The following ROBO1 variants were observed in gnomAD, a reference collection of about 807,000 sequenced individuals.
The protein encoded by ROBO1 is roundabout guidance receptor 1, also known as roundabout homolog 1.
In ROBO1, 149 loss-of-function variants were observed where a neutral mutation model predicts 195.9. The ratio of observed to expected loss-of-function variants is 0.76; its 90% CI spans 0.67 to 0.87. The LOEUF is 0.87. Among genes scored for constraint, ROBO1 ranks in the 40% least tolerant of loss-of-function variants. The pLI is 0.00. For missense variants in ROBO1, 1,933 were observed against 2,068.3 expected (o/e 0.93, Z 1.27); for synonymous variants, 816 against 733.2 (o/e 1.11, Z -1.82).
chr3:79,407,730 T>C (rs776402344), intron 2 of ROBO1, among the ~76,000 whole-genome samples: 5 of 152,124 alleles, frequency 3.3e-5, no homozygotes, highest in Non-Finnish European at 7.4e-5. Flanking sequence ...TTTTATAAAG[T>C]AATGAAGTAA....
At chr3:78,688,343 T>A (rs2081095270) in intron 9 of ROBO1, among the ~76,000 whole-genome samples, 1 of 152,140 alleles carries the variant, frequency 6.6e-6, no homozygotes, top group Admixed American at 6.5e-5. Context: ...ATAATACAAA[T>A]AATAATTAAA....
At chr3:78,939,846 A>G (rs919246342) in intron 3 of ROBO1, among the ~76,000 whole-genome samples, 7 of 151,904 alleles carry the variant, frequency 4.6e-5, no homozygotes, top group Non-Finnish European at 8.8e-5. Context: ...AATTAAATAT[A>G]CTATTAAATG....
At position 78,853,190 on chromosome 3, in the gene ROBO1, A is replaced by G. The variant is rs531407237; in HGVS notation, c.499+85411T>C. Reference sequence around the variant, plus strand: ...ATAAGTGGTTTGAAGAGCAGGGGAGAAGAAGGAAGGAGGATGGAAGAAAAG... The same window carrying G: ...ATAAGTGGTTTGAAGAGCAGGGGAGGAGAAGGAAGGAGGATGGAAGAAAAG... On this transcript the variant is annotated intron_variant, in intron 4 of 30. Transcript: ENST00000464233. Among the ~76,000 whole-genome samples, 35 of 151,966 alleles carry G rather than the reference A, an allele frequency of 2.3e-4. No individual in the cohort carries two copies. The East Asian group carries it at 2.7e-3, about 12-fold the overall frequency.
chr3:79,643,003 G>C (rs948963279), intron 1 of ROBO1, among the ~76,000 whole-genome samples: 1 of 152,012 alleles, frequency 6.6e-6, no homozygotes, highest in African/African-American at 2.4e-5. Flanking sequence ...GTGTTGTCAA[G>C]GCAGATTAAC....
intron 2 of ROBO1, among the ~76,000 whole-genome samples, chr3:79,577,917 AAAAAAAC>A (rs1279833578): frequency 6.6e-6 from 1 of 152,008 alleles, no homozygotes; most frequent in Non-Finnish European, 1.5e-5. Context: ...GTCTCAAAAC[AAAAAAAC>A]AAAAAACAAA....
intron 4 of ROBO1, among the ~76,000 whole-genome samples, chr3:78,884,439 T>C (rs2036378234): frequency 6.6e-6 from 1 of 151,764 alleles, no homozygotes; most frequent in South Asian, 2.1e-4. Context: ...TAGTGAGAAC[T>C]TGTCCTCTGC....
chr3:78,710,160 C>A (rs527447463), intron 8 of ROBO1, among the ~76,000 whole-genome samples: 1 of 152,076 alleles, frequency 6.6e-6, no homozygotes, highest in Non-Finnish European at 1.5e-5. Context: ...ACTTCCCACT[C>A]GTGGACTCAA....
intron 2 of ROBO1, among the ~76,000 whole-genome samples, chr3:79,351,299 A>T (rs1410707814): frequency 2.6e-5 from 4 of 152,192 alleles, no homozygotes; most frequent in Non-Finnish European, 4.4e-5. Flanking sequence ...TGCATAAAGT[A>T]GTTTAGGCAG....
intron 2 of ROBO1, among the ~76,000 whole-genome samples, chr3:79,300,565 C>T (rs534135970): frequency 1.6e-4 from 25 of 152,304 alleles, no homozygotes; most frequent in East Asian, 7.8e-4. Flanking sequence ...CGCTCCATGG[C>T]GCCCAGTCCC....
intron 1 of ROBO1, among the ~76,000 whole-genome samples, chr3:79,754,445 A>G (rs981780040): frequency 6.6e-6 from 1 of 152,190 alleles, no homozygotes; most frequent in Non-Finnish European, 1.5e-5. Flanking sequence ...AACTTGTTCA[A>G]CTCAGTCCCT....
intron 2 of ROBO1, among the ~76,000 whole-genome samples, chr3:79,573,962 C>T (rs762793884): frequency 9.2e-5 from 14 of 152,048 alleles, no homozygotes; most frequent in Admixed American, 2.6e-4. Flanking sequence ...ATATTACCTA[C>T]GATCATGAAG....
intron 2 of ROBO1, among the ~76,000 whole-genome samples, chr3:79,466,083 C>G (rs978065590): frequency 3.3e-5 from 5 of 151,140 alleles, no homozygotes; most frequent in African/African-American, 1.2e-4. Flanking sequence ...CACCCCAAAC[C>G]TCCCTGAAAT....
intron 2 of ROBO1, among the ~76,000 whole-genome samples, chr3:79,492,484 AT>A (rs1433226568): frequency 2.0e-5 from 3 of 151,402 alleles, no homozygotes; most frequent in Non-Finnish European, 4.4e-5. Flanking sequence ...TATATTTTAA[AT>A]TATGAAAACC....
At chr3:79,601,766 T>C (rs1262578651) in intron 1 of ROBO1, among the ~76,000 whole-genome samples, 1 of 152,062 alleles carries the variant, frequency 6.6e-6, no homozygotes, top group East Asian at 1.9e-4. Context: ...CAGAGCAAAA[T>C]GTACTCAGTT....
intron 4 of ROBO1, among the ~76,000 whole-genome samples, chr3:78,925,499 C>T (rs963403726): frequency 1.3e-4 from 20 of 152,198 alleles, no homozygotes; most frequent in Admixed American, 1.0e-3. Context: ...ATAATTTGTG[C>T]GCAATCACTC....
rs373490767 is a variant in ROBO1 at position 78,957,113 on chromosome 3, TGTTATTTTCA to T, written c.173-18196_173-18187del. 6.7e-3 allele frequency among the ~76,000 whole-genome samples: 1,018 copies of T among 152,338 alleles called. 9 individuals carry two copies. Among genetic ancestry groups the T allele is most frequent in the Non-Finnish European group, 9.8e-3 (669 of 68,030 alleles). On this transcript the variant is annotated intron_variant, in intron 3 of 30. Coordinates refer to ENST00000464233, the MANE Select transcript of ROBO1 (RefSeq NM_002941.4). ...TTCTAAATAATCCACGATCTTCTGG[TGTTATTTTCA>T]TAATAAAATCTTTTATTTTAGAAGT...
intron 26 of ROBO1, among the ~76,000 whole-genome samples, chr3:78,624,698 T>C (rs550918901): frequency 7.9e-5 from 12 of 152,196 alleles, no homozygotes; most frequent in African/African-American, 2.9e-4. Flanking sequence ...GAACTTTTAA[T>C]TTAAATAGGA....
At chr3:79,653,945 G>T (rs1446422241) in intron 1 of ROBO1, among the ~76,000 whole-genome samples, 1 of 151,902 alleles carries the variant, frequency 6.6e-6, no homozygotes, top group Non-Finnish European at 1.5e-5. Context: ...TGTTAGGAAA[G>T]TATGTTTTGT....
chr3:79,704,383 T>C (rs1433899371), intron 1 of ROBO1, among the ~76,000 whole-genome samples: 1 of 151,996 alleles, frequency 6.6e-6, no homozygotes, highest in Non-Finnish European at 1.5e-5. Flanking sequence ...ATTCATCTTT[T>C]TACTGTTTCC....
Sources: allele counts gnomAD v4.1 joint callset (sites outside exome capture counted in the v4.1 genomes callset), GRCh38; gene constraint gnomAD v4.1.1; transcripts MANE v1.5; gene names NCBI Gene and HGNC (gene_info 2026-07-23, HGNC 2026-07-21).